KALRN: variants seen among roughly 807,000 people sequenced by gnomAD.
KALRN encodes kalirin RhoGEF kinase.
A neutral mutation model predicts 353.7 loss-of-function variants in KALRN; 70 were observed. That is an observed-to-expected ratio of 0.20 (90% confidence interval 0.16 to 0.24). The LOEUF is 0.24. KALRN is among the 10% of genes least tolerant of loss of function. The pLI is 1.00. For missense variants in KALRN, 2,791 were observed against 3,756.7 expected (o/e 0.74, Z 6.72); for synonymous variants, 1,391 against 1,434.8 (o/e 0.97, Z 0.69).
At chr3:124,164,147 G>A in intron 1 of KALRN, 1 of 193,310 alleles carries the variant, frequency 5.2e-6, no homozygotes, top group East Asian at 1.9e-4. Context: ...TAAAATCTCT[G>A]TGCACTGCCA....
In KALRN at chr3:124,603,265, T is replaced by C. The variant is rs185804471; in HGVS notation, c.5183-29155T>C. The stretch of plus-strand genomic sequence containing the variant: ...CACTTGTTTGTCTCCTAAAATAGTA[T>C]TGACTCTCCGGAGGAGGCTGTTTCT... On this transcript the variant is annotated intron_variant, in intron 34 of 59. Transcript: ENST00000682506. Among the ~76,000 whole-genome samples, 15 of 152,328 alleles carry C rather than the reference T, an allele frequency of 9.8e-5. No homozygotes were observed. The East Asian group carries it at 2.5e-3, about 25-fold the overall frequency.
At chr3:124,146,097 C>G (rs770207774) in intron 1 of KALRN, among the ~76,000 whole-genome samples, 76 of 152,206 alleles carry the variant, frequency 5.0e-4, no homozygotes, top group Non-Finnish European at 9.7e-4. Context: ...ATACAATCCT[C>G]CTTGGCAATT....
chr3:124,527,623 G>T (rs1489259430), intron 33 of KALRN, among the ~76,000 whole-genome samples: 1 of 151,684 alleles, frequency 6.6e-6, no homozygotes, highest in Non-Finnish European at 1.5e-5. Flanking sequence ...AGAAGAAGAA[G>T]AAGAAGCATT....
intron 14 of KALRN, among the ~76,000 whole-genome samples, chr3:124,421,637 G>A (rs1054498502): frequency 2.6e-5 from 4 of 152,114 alleles, no homozygotes; most frequent in Admixed American, 1.3e-4. Flanking sequence ...GTACACTTTC[G>A]GGTAGTCTTT....
chr3:124,250,341 G>A (rs1004633494), intron 3 of KALRN, among the ~76,000 whole-genome samples: 2 of 152,228 alleles, frequency 1.3e-5, no homozygotes, highest in Admixed American at 1.3e-4. Context: ...GCAGGGAGAG[G>A]TGGGGGTGTG....
chr3:124,226,126 A>C (rs1303381418), intron 1 of KALRN, among the ~76,000 whole-genome samples: 2 of 152,234 alleles, frequency 1.3e-5, no homozygotes, highest in African/African-American at 4.8e-5. Flanking sequence ...TGTATTAGTT[A>C]AAGATCCTTG....
rs1048561449 is a variant in KALRN at position 124,724,590 on chromosome 3, A to G, written c.*5120A>G. 7.9e-5 allele frequency: 12 copies of G among 152,222 alleles called. No homozygotes were observed. Among genetic ancestry groups the G allele is most frequent in the Non-Finnish European group, 5.9e-5 (4 of 68,022 alleles). The allele number at this position is 152,222 out of a possible 1,614,324, so 9.4% of individuals were successfully genotyped here. ...GCTACTATGTTAATATTTATTTTCT[A>G]AAAATATTAAGGCTCTCAGTTGTTT... On this transcript the variant is annotated 3_prime_UTR_variant, in exon 60 of 60. Coordinates refer to ENST00000682506, the MANE Select transcript of KALRN (RefSeq NM_001388419.1).
intron 6 of KALRN, among the ~76,000 whole-genome samples, chr3:124,306,444 CAGAG>C (rs144382682): frequency 0.26 from 39,356 of 151,434 alleles, 6,731 homozygotes; most frequent in Non-Finnish European, 0.38. Flanking sequence ...ATATGAAGAA[CAGAG>C]AGAAAAAAGA....
At chr3:124,397,697 C>T (rs1265443770) in intron 12 of KALRN, among the ~76,000 whole-genome samples, 1 of 152,218 alleles carries the variant, frequency 6.6e-6, no homozygotes, top group African/African-American at 2.4e-5. Flanking sequence ...CTCTCGGCTT[C>T]CCTCTATAAG....
chr3:124,271,315 C>T (rs747020908), intron 5 of KALRN, among the ~76,000 whole-genome samples: 2 of 152,082 alleles, frequency 1.3e-5, no homozygotes, highest in African/African-American at 2.4e-5. Context: ...TTCATGGTAT[C>T]CCTCAGGCTC....
In KALRN at chr3:124,413,660, C is replaced by T; in HGVS notation, c.2537C>T (p.Ala846Val). 6.2e-7 allele frequency: 1 copy of T among 1,613,032 alleles called. No individual in the cohort carries two copies. Among genetic ancestry groups the T allele is most frequent in the South Asian group, 1.1e-5 (1 of 90,898 alleles). Residue 846 changes from alanine (A) to valine (V), a missense_variant, in exon 14 of 60, where the codon GCA becomes GTA. By Grantham distance (64) the Ala-to-Val change is moderately conservative (BLOSUM62 0). This residue lies in a region of KALRN where 452 missense variants were observed against 575.8 expected (regional missense o/e 0.78). Transcript: ENST00000682506. ...DLHQYITEVQ[A>V]SGIELICEKD... ...CACCAGTACATCACGGAGGTCCAGG[C>T]ATCAGGTGGGTGACCTCGCTCATTC...
At chr3:124,088,455 G>A (rs1364811952) in intron 1 of KALRN, among the ~76,000 whole-genome samples, 2 of 152,182 alleles carry the variant, frequency 1.3e-5, no homozygotes, top group African/African-American at 2.4e-5. Context: ...AGGTAGAGAA[G>A]CCTGGGAAAC....
chr3:124,705,947 T>C (rs1190041853), intron 57 of KALRN, among the ~76,000 whole-genome samples: 1 of 151,604 alleles, frequency 6.6e-6, no homozygotes, highest in Non-Finnish European at 1.5e-5. Context: ...GGTCTCACTC[T>C]GTCACCTAGG....
chr3:124,183,346 A>G (rs2073853628), intron 1 of KALRN, among the ~76,000 whole-genome samples: 1 of 152,286 alleles, frequency 6.6e-6, no homozygotes, highest in East Asian at 1.9e-4. Flanking sequence ...GCTTCCAATC[A>G]TGGTGGAAGG....
chr3:124,578,118 CTT>C (rs2074294265), intron 34 of KALRN, among the ~76,000 whole-genome samples: 1 of 152,188 alleles, frequency 6.6e-6, no homozygotes, highest in Non-Finnish European at 1.5e-5. Context: ...CCCTGTTCTT[CTT>C]TGTCTTTTCT....
At chr3:124,069,333 AGG>A (rs1559899725) in intron 1 of KALRN, among the ~76,000 whole-genome samples, 1 of 116,900 alleles carries the variant, frequency 8.6e-6, no homozygotes, top group East Asian at 2.6e-4. Flanking sequence ...GAGGAGGAGG[AGG>A]AGGAGGAGGA....
chr3:124,447,821 A>G (rs1250200796), intron 21 of KALRN, among the ~76,000 whole-genome samples: 2 of 152,146 alleles, frequency 1.3e-5, no homozygotes, highest in Non-Finnish European at 2.9e-5. Context: ...TGAACTCTCA[A>G]TATTGGGGAG....
chr3:124,453,737 T>A (rs1320332141), intron 21 of KALRN, among the ~76,000 whole-genome samples: 1 of 152,208 alleles, frequency 6.6e-6, no homozygotes, highest in Non-Finnish European at 1.5e-5. Context: ...AAACTTAGGA[T>A]TAAAAAATAA....
At chr3:124,620,958 T>C (rs1207069375) in intron 34 of KALRN, among the ~76,000 whole-genome samples, 1 of 152,206 alleles carries the variant, frequency 6.6e-6, no homozygotes, top group African/African-American at 2.4e-5. Flanking sequence ...AGGACAGCAC[T>C]GAAGAAGCCT....
Sources: gnomAD v4.1 joint callset for allele counts (sites outside exome capture counted in the v4.1 genomes callset) on GRCh38, gnomAD v4.1.1 for gene constraint, gnomAD v4.1.1 regional missense constraint, MANE v1.5 for transcripts, NCBI Gene and HGNC (gene_info 2026-07-23, HGNC 2026-07-21) for gene names.